GABRG3: variants seen among roughly 807,000 people sequenced by gnomAD.
GABRG3 encodes the protein gamma-aminobutyric acid type A receptor subunit gamma3.
In GABRG3, 25 loss-of-function variants were observed where a neutral mutation model predicts 48.8. The observed-to-expected ratio is 0.51, with a 90% confidence interval of 0.37 to 0.72. GABRG3 has a LOEUF of 0.72. Ranked by LOEUF, GABRG3 falls within the 30% of genes least tolerant of loss-of-function variation. GABRG3 has a pLI of 0.00. For missense variants in GABRG3, 394 were observed against 577.9 expected, an observed-to-expected ratio of 0.68 and a Z score of 3.26; for synonymous variants, 227 against 217.6, an observed-to-expected ratio of 1.04 and a Z score of -0.38.
intron 5 of GABRG3, among the ~76,000 whole-genome samples, chr15:27,399,474 G>T (rs1045299239): frequency 3.3e-5 from 5 of 152,174 alleles, no homozygotes; most frequent in Non-Finnish European, 7.4e-5. Context: ...CGGTTCCTTT[G>T]TAATTCCTTT....
chr15:27,420,131 G>A (rs564542848), intron 5 of GABRG3, among the ~76,000 whole-genome samples: 3 of 152,250 alleles, frequency 2.0e-5, no homozygotes, highest in East Asian at 1.9e-4. Context: ...AGACCCTGCC[G>A]TGCAAATCCT....
intron 3 of GABRG3, among the ~76,000 whole-genome samples, chr15:27,303,678 A>G (rs1296734573): frequency 6.6e-6 from 1 of 151,398 alleles, no homozygotes; most frequent in African/African-American, 2.4e-5. Context: ...ACTACACAAT[A>G]TATTTCATGG....
chr15:27,511,098 C>T (rs1890885732), intron 6 of GABRG3, among the ~76,000 whole-genome samples: 1 of 152,156 alleles, frequency 6.6e-6, no homozygotes. Context: ...GAAGAAAAAA[C>T]AATTATCATT....
chr15:27,427,290 T>C (rs1312832239), intron 5 of GABRG3, among the ~76,000 whole-genome samples: 1 of 152,236 alleles, frequency 6.6e-6, no homozygotes, highest in Non-Finnish European at 1.5e-5. Context: ...ATTTGAGGTA[T>C]ATATTTTCCA....
chr15:27,045,852 T>C (rs564460730), intron 3 of GABRG3, among the ~76,000 whole-genome samples: 4 of 152,302 alleles, frequency 2.6e-5, no homozygotes, highest in African/African-American at 9.6e-5. Flanking sequence ...GCCACCTGTC[T>C]TCACTTTGCA....
rs1894910780 is a variant in GABRG3, at chr15:26,974,907, T to A, written c.54-2095T>A. On this transcript the variant is annotated intron_variant, in intron 1 of 9. Transcript: ENST00000615808. The surrounding 1 kb of genome is among the most constrained non-coding windows in gnomAD (Gnocchi z 4.3). ...ATTATTATTTGAGATGGAGTCTCGC[T>A]CTGTTGCCCAGGCTGGAGTGCAGTG... 6.7e-6 allele frequency among the ~76,000 whole-genome samples: 1 copy of A among 149,978 alleles called. No homozygotes were observed.
chr15:27,458,178 G>A (rs1306733530), intron 5 of GABRG3, among the ~76,000 whole-genome samples: 3 of 152,142 alleles, frequency 2.0e-5, no homozygotes, highest in Admixed American at 6.5e-5. Context: ...GAAAGCACCC[G>A]CAGATCGTGA....
At chr15:27,486,116 T>C (rs8028540) in intron 6 of GABRG3, among the ~76,000 whole-genome samples, 36,787 of 152,098 alleles carry the variant, frequency 0.24, 6,727 homozygotes, top group African/African-American at 0.51. Context: ...GGCATACTTA[T>C]GGCAAACTGA....
chr15:27,326,551 C>T (rs1240318201), intron 3 of GABRG3, among the ~76,000 whole-genome samples: 1 of 152,180 alleles, frequency 6.6e-6, no homozygotes. Flanking sequence ...TACTGTCTCT[C>T]TTAGCCCCTC....
intron 5 of GABRG3, among the ~76,000 whole-genome samples, chr15:27,407,830 T>A (rs1358627282): frequency 6.6e-6 from 1 of 152,106 alleles, no homozygotes; most frequent in Non-Finnish European, 1.5e-5. Flanking sequence ...AGTGGATGAA[T>A]AGGTGGAGCC....
At chr15:27,167,703 C>G (rs1293089149) in intron 3 of GABRG3, among the ~76,000 whole-genome samples, 1 of 152,182 alleles carries the variant, frequency 6.6e-6, no homozygotes, top group African/African-American at 2.4e-5. Context: ...CTAGGCCTCC[C>G]AGCTCTGCAG....
chr15:27,080,471 A>G (rs1479934116), intron 3 of GABRG3, among the ~76,000 whole-genome samples: 1 of 151,942 alleles, frequency 6.6e-6, no homozygotes, highest in East Asian at 1.9e-4. Context: ...CAGAAAACAA[A>G]ACATGATTTA....
chr15:27,207,244 C>A (rs956149052), intron 3 of GABRG3, among the ~76,000 whole-genome samples: 30 of 152,236 alleles, frequency 2.0e-4, no homozygotes, highest in African/African-American at 7.0e-4. Flanking sequence ...CAGGACAAAA[C>A]CCTTGTAATT....
intron 3 of GABRG3, among the ~76,000 whole-genome samples, chr15:27,029,550 GCA>G (rs1301956447): frequency 2.6e-5 from 4 of 151,898 alleles, no homozygotes; most frequent in African/African-American, 9.7e-5. Flanking sequence ...GCACACACAC[GCA>G]CACACACGCA....
At chr15:27,196,969 C>A (rs114345080) in intron 3 of GABRG3, among the ~76,000 whole-genome samples, 54 of 152,252 alleles carry the variant, frequency 3.5e-4, no homozygotes, top group African/African-American at 1.3e-3. Context: ...TGAGGTGAAA[C>A]AAATAGCCCA....
chr15:27,521,084 T>C (rs1023107604), intron 7 of GABRG3, among the ~76,000 whole-genome samples: 1 of 152,186 alleles, frequency 6.6e-6, no homozygotes, highest in East Asian at 1.9e-4. Context: ...ATATATTAGA[T>C]GTCACTGTAC....
intron 5 of GABRG3, among the ~76,000 whole-genome samples, chr15:27,369,806 CAAAAAAA>C (rs34901488): frequency 0.079 from 2,375 of 30,236 alleles, 101 homozygotes; most frequent in African/African-American, 0.19. Context: ...GACTCCGTCT[CAAAAAAA>C]AAAAAAAAAA....
chr15:27,285,892 T>C (rs939795192), intron 3 of GABRG3, among the ~76,000 whole-genome samples: 5 of 152,214 alleles, frequency 3.3e-5, no homozygotes, highest in Non-Finnish European at 5.9e-5. Context: ...TCTCTGTTGC[T>C]GCTCTCGACA....
intron 2 of GABRG3, among the ~76,000 whole-genome samples, chr15:26,985,693 C>T (rs1200759357): frequency 3.9e-5 from 6 of 152,016 alleles, no homozygotes; most frequent in Non-Finnish European, 4.4e-5. Context: ...ATGGAATAAC[C>T]TCGCCATGCC....
Sources: allele counts gnomAD v4.1 joint callset (sites outside exome capture counted in the v4.1 genomes callset), GRCh38; gene constraint gnomAD v4.1.1; non-coding constraint Gnocchi (gnomAD v3.1); transcripts MANE v1.5; gene names NCBI Gene and HGNC (gene_info 2026-07-23, HGNC 2026-07-21).